The following RHOBTB1 variants were observed in gnomAD, a reference collection of about 807,000 sequenced individuals.
The protein encoded by RHOBTB1 is Rho related BTB domain containing 1.
A neutral mutation model predicts 71.6 loss-of-function variants in RHOBTB1; 40 were observed. That is an observed-to-expected ratio of 0.56 (90% CI 0.43 to 0.73). The LOEUF (loss-of-function observed/expected upper bound fraction) is 0.73. Among genes scored for constraint, RHOBTB1 ranks in the 30% least tolerant of loss-of-function variants. The pLI is 0.00. For missense variants in RHOBTB1, 797 were observed against 894.0 expected, an observed-to-expected ratio of 0.89 and a Z score of 1.38; for synonymous variants, 319 against 334.9, an observed-to-expected ratio of 0.95 and a Z score of 0.52.
rs527258561 is a variant in RHOBTB1 at position 60,970,316 on chromosome 10, T to C, written c.-62+15529A>G. ...TGATTTGAGTGGTAGTCACAGCTTA[T>C]ATTCAGCATAACTAAACCCTGCTCT... On this transcript the variant is annotated intron_variant, in intron 2 of 11. Coordinates refer to the RHOBTB1 transcript ENST00000357917. Among the ~76,000 whole-genome samples the C allele has an allele frequency of 7.2e-5, 11 of 152,230 alleles. No individual in the cohort carries two copies. In the South Asian group the frequency reaches 2.1e-3, roughly 29 times the overall value.
Position 60,888,934 on chromosome 10 carries a change from A to G in RHOBTB1, c.734T>C (p.Ile245Thr), listed in dbSNP as rs370159564. 5 of 1,614,170 alleles carry G rather than the reference A, an allele frequency of 3.1e-6. No individual in the cohort carries two copies. The highest frequency in any genetic ancestry group is 4.2e-6 in the Non-Finnish European group (5 of 1,180,026). Residue 245 changes from isoleucine (I) to threonine (T), a missense_variant, in exon 6 of 11, where the codon ATT becomes ACT. Ile to Thr is a moderately conservative substitution (Grantham distance 89). Around this residue, in one of 2 missense-constraint regions of RHOBTB1, gnomAD observed 658 missense variants for 681.5 expected, o/e 0.97. Coordinates refer to ENST00000337910, the MANE Select transcript of RHOBTB1 (RefSeq NM_014836.5). Reference protein sequence around the residue: ...PPKAPPPVIKIPECPSMGTNE... With the variant: ...PPKAPPPVIKTPECPSMGTNE... The stretch of plus-strand genomic sequence containing the variant: ...TGTCCCCATGGAAGGACACTCTGGA[A>G]TTTTGATGACCGGTGGAGGGGCTTT...
At chr10:60,912,101 G>A (rs2083006774) in intron 2 of RHOBTB1, among the ~76,000 whole-genome samples, 1 of 152,148 alleles carries the variant, frequency 6.6e-6, no homozygotes, top group East Asian at 1.9e-4. Flanking sequence ...AAGACTACCT[G>A]ATGTCAAAGA....
rs1298789691 is a variant in RHOBTB1 at position 60,888,342 on chromosome 10, C to T, written c.1326G>A (p.Met442Ile). 2.5e-6 allele frequency: 4 copies of T among 1,614,058 alleles called. No homozygotes were observed. The highest frequency in any genetic ancestry group is 1.1e-5 in the South Asian group (1 of 91,084). The change falls in exon 6 of 11, where the codon ATG (methionine) becomes ATA (isoleucine). Residue 442 changes from methionine (M) to isoleucine (I), a missense_variant. Physicochemically the swap from Met to Ile is conservative, Grantham distance 10 (BLOSUM62 1). Coordinates refer to ENST00000337910, the MANE Select transcript of RHOBTB1 (RefSeq NM_014836.5). ...TTTCCACCATCATCCTCAAATCGAA[C>T]ATCTCGAGGACCTCTGCGATCTGAG... ...GLAQIAEVLE[M>I]FDLRMMVENI... is the part of the protein sequence containing the mutation.
chr10:60,926,041 A>G (rs2083862086), intron 2 of RHOBTB1, among the ~76,000 whole-genome samples: 1 of 152,042 alleles, frequency 6.6e-6, no homozygotes, highest in Non-Finnish European at 1.5e-5. Context: ...GACCAGCCGG[A>G]CCAACATGGT....
intron 7 of RHOBTB1, among the ~76,000 whole-genome samples, chr10:60,884,963 G>A (rs549812024): frequency 4.0e-4 from 60 of 151,868 alleles, no homozygotes; most frequent in Non-Finnish European, 7.7e-4. Context: ...CTGTCTCCTG[G>A]GGTGGAGTAC....
chr10:61,001,170 C>T (rs558723601), intron 1 of RHOBTB1, among the ~76,000 whole-genome samples: 32 of 152,254 alleles, frequency 2.1e-4, no homozygotes, highest in African/African-American at 7.2e-4. Context: ...CTCTGGGGCC[C>T]TGTGCTTTGT....
intron 2 of RHOBTB1, among the ~76,000 whole-genome samples, chr10:60,957,308 T>A (rs2085628091): frequency 6.6e-6 from 1 of 152,230 alleles, no homozygotes; most frequent in African/African-American, 2.4e-5. Flanking sequence ...TATATGACCG[T>A]CAGCTTTGTA....
downstream of RHOBTB1, among the ~76,000 whole-genome samples, chr10:60,866,016 G>A (rs541685497): frequency 5.9e-5 from 9 of 152,218 alleles, no homozygotes; most frequent in South Asian, 1.7e-3. Context: ...ATTTTTAATA[G>A]AGACAGGGTT....
At chr10:60,955,688 T>TCCA (rs2085566665) in intron 2 of RHOBTB1, among the ~76,000 whole-genome samples, 1 of 152,172 alleles carries the variant, frequency 6.6e-6, no homozygotes, top group African/African-American at 2.4e-5. Flanking sequence ...AAGCCTTCCC[T>TCCA]TAGTCTAAAT....
At chr10:60,923,353 T>C (rs2083676267) in intron 2 of RHOBTB1, among the ~76,000 whole-genome samples, 1 of 152,200 alleles carries the variant, frequency 6.6e-6, no homozygotes, top group Admixed American at 6.5e-5. Flanking sequence ...TATAAACTAA[T>C]AGCAGATGAA....
intron 2 of RHOBTB1, among the ~76,000 whole-genome samples, chr10:60,924,369 C>A (rs2083741714): frequency 6.6e-6 from 1 of 151,948 alleles, no homozygotes; most frequent in Non-Finnish European, 1.5e-5. Context: ...ATATTTATAT[C>A]AGATAAGATA....
chr10:60,873,907 G>T (rs1280243657), intron 9 of RHOBTB1, among the ~76,000 whole-genome samples: 3 of 152,246 alleles, frequency 2.0e-5, no homozygotes, highest in Admixed American at 2.0e-4. Flanking sequence ...TATTTGGGGA[G>T]AAAAATAACA....
chr10:60,936,133 T>A (rs1398700301), intron 2 of RHOBTB1, among the ~76,000 whole-genome samples: 1 of 152,230 alleles, frequency 6.6e-6, no homozygotes, highest in Non-Finnish European at 1.5e-5. Context: ...GTGATTCCCA[T>A]CATGGATGAA....
intron 2 of RHOBTB1, among the ~76,000 whole-genome samples, chr10:60,967,090 G>T (rs1452069599): frequency 6.6e-6 from 1 of 151,954 alleles, no homozygotes; most frequent in Admixed American, 6.6e-5. Flanking sequence ...TTCGGACACC[G>T]CAGTCAGGGT....
chr10:60,879,428 G>C (rs2081204306), intron 7 of RHOBTB1, among the ~76,000 whole-genome samples: 1 of 152,018 alleles, frequency 6.6e-6, no homozygotes, highest in Non-Finnish European at 1.5e-5. Flanking sequence ...CTTAGGCCTG[G>C]GCTCAAGCAA....
intron 8 of RHOBTB1, among the ~76,000 whole-genome samples, chr10:60,876,614 T>TCTGAAAAAAGTAATTG (rs1013188706): frequency 4.6e-5 from 7 of 152,214 alleles, no homozygotes; most frequent in African/African-American, 1.7e-4. Flanking sequence ...AACTCATGTT[T>TCTGAAAAAAGTAATTG]CTGAAAAAAG....
At chr10:60,944,503 G>A (rs977869924), upstream of RHOBTB1, among the ~76,000 whole-genome samples, 1 of 152,144 alleles carries the variant, frequency 6.6e-6, no homozygotes, top group Non-Finnish European at 1.5e-5. Context: ...ACAGAGCATG[G>A]GAGACCCCGG....
intron 4 of RHOBTB1, among the ~76,000 whole-genome samples, chr10:60,893,388 A>G (rs936155323): frequency 6.6e-6 from 1 of 152,244 alleles, no homozygotes; most frequent in African/African-American, 2.4e-5. Context: ...TTTAAAAAAC[A>G]TAAAGGTGAT....
At chr10:60,922,253 T>C (rs1168765672) in intron 2 of RHOBTB1, among the ~76,000 whole-genome samples, 1 of 152,142 alleles carries the variant, frequency 6.6e-6, no homozygotes, top group Non-Finnish European at 1.5e-5. Context: ...GATTTATAAC[T>C]AATATGAAAG....
Sources: allele counts gnomAD v4.1 joint callset (sites outside exome capture counted in the v4.1 genomes callset), GRCh38; gene constraint gnomAD v4.1.1; regional missense constraint gnomAD v4.1.1; transcripts MANE v1.5; gene names NCBI Gene and HGNC (gene_info 2026-07-23, HGNC 2026-07-21).